NRG3: variants seen among roughly 807,000 people sequenced by gnomAD.
The protein encoded by NRG3 is neuregulin 3.
In NRG3, 31 loss-of-function variants were observed where a neutral mutation model predicts 66.9. That is an observed-to-expected ratio of 0.46 (90% CI 0.35 to 0.63). NRG3 has a LOEUF of 0.63. Ranked by LOEUF, NRG3 falls within the 20% of genes least tolerant of loss-of-function variation. The pLI, the probability that NRG3 is intolerant of heterozygous loss-of-function variation, is 0.00. For missense variants in NRG3, 910 were observed against 878.9 expected (o/e 1.04, Z -0.45); for synonymous variants, 393 against 359.4 (o/e 1.09, Z -1.06).
chr10:81,996,015 C>G (rs548366044), intron 1 of NRG3, among the ~76,000 whole-genome samples: 1 of 151,812 alleles, frequency 6.6e-6, no homozygotes, highest in African/African-American at 2.4e-5. Context: ...ATTTTTTTTT[C>G]TTTATAATGC....
chr10:82,930,825 T>C (rs1212141494), intron 4 of NRG3, among the ~76,000 whole-genome samples: 2 of 152,138 alleles, frequency 1.3e-5, no homozygotes, highest in African/African-American at 2.4e-5. Context: ...GAACCCCATC[T>C]ATGGGACTCG....
intron 1 of NRG3, among the ~76,000 whole-genome samples, chr10:82,068,609 C>T (rs2064626050): frequency 6.6e-6 from 1 of 152,062 alleles, no homozygotes; most frequent in South Asian, 2.1e-4. Flanking sequence ...TCAATGAAGG[C>T]TTGCTTAAGG....
intron 1 of NRG3, among the ~76,000 whole-genome samples, chr10:82,351,612 C>A (rs2083443802): frequency 6.6e-6 from 1 of 152,174 alleles, no homozygotes; most frequent in African/African-American, 2.4e-5. Flanking sequence ...TGGCCATGTT[C>A]TTTCCTTAGC....
chr10:82,722,406 CATT>C (rs1383344774), intron 2 of NRG3, among the ~76,000 whole-genome samples: 1 of 152,092 alleles, frequency 6.6e-6, no homozygotes, highest in Non-Finnish European at 1.5e-5. Flanking sequence ...GAAGATGAGA[CATT>C]ATAAATGGGT....
intron 4 of NRG3, among the ~76,000 whole-genome samples, chr10:82,926,890 A>T (rs1413218924): frequency 6.6e-6 from 1 of 152,172 alleles, no homozygotes; most frequent in Non-Finnish European, 1.5e-5. Context: ...ACATGTCTCA[A>T]CTGCACTGTG....
intron 1 of NRG3, among the ~76,000 whole-genome samples, chr10:82,239,353 G>A (rs537500332): frequency 1.1e-4 from 17 of 151,950 alleles, no homozygotes; most frequent in East Asian, 1.9e-4. Flanking sequence ...ATGGGGTTCC[G>A]CCATGTTGGC....
chr10:82,013,368 A>G (rs1175523524), intron 1 of NRG3, among the ~76,000 whole-genome samples: 2 of 152,166 alleles, frequency 1.3e-5, no homozygotes, highest in Non-Finnish European at 2.9e-5. Context: ...TTACAATTCA[A>G]AGTGAGATTT....
At chr10:82,182,818 A>G (rs1248641405) in intron 1 of NRG3, among the ~76,000 whole-genome samples, 3 of 152,002 alleles carry the variant, frequency 2.0e-5, no homozygotes, top group Non-Finnish European at 4.4e-5. Context: ...GGGCAGGTCT[A>G]GTGGAGTGGA....
At chr10:82,275,401 A>AT (rs2078794556) in intron 1 of NRG3, among the ~76,000 whole-genome samples, 1 of 151,976 alleles carries the variant, frequency 6.6e-6, no homozygotes, top group African/African-American at 2.4e-5. Flanking sequence ...TAGTTCTTTG[A>AT]TATTGGAATA....
intron 3 of NRG3, among the ~76,000 whole-genome samples, chr10:82,744,362 C>A (rs766902250): frequency 2.6e-5 from 4 of 152,146 alleles, no homozygotes; most frequent in Non-Finnish European, 5.9e-5. Context: ...AAGGTGCTGG[C>A]AGGTTCAGTG....
At chr10:82,436,293 G>A (rs1269205732) in intron 2 of NRG3, among the ~76,000 whole-genome samples, 1 of 152,132 alleles carries the variant, frequency 6.6e-6, no homozygotes, top group South Asian at 2.1e-4. Flanking sequence ...ATGACATAAT[G>A]CCCTTCTCTG....
intron 1 of NRG3, among the ~76,000 whole-genome samples, chr10:81,967,360 A>G (rs1230110026): frequency 1.3e-5 from 2 of 151,386 alleles, no homozygotes; most frequent in Admixed American, 6.6e-5. Context: ...ATTGTTTATG[A>G]ATGTTGAATT....
chr10:82,547,612 C>T (rs140929342), intron 2 of NRG3, among the ~76,000 whole-genome samples: 3,920 of 150,952 alleles, frequency 0.026, 80 homozygotes, highest in African/African-American at 0.06. Flanking sequence ...TATATATGTA[C>T]ATATACATAT....
chr10:81,988,802 C>T (rs1013103733), intron 1 of NRG3, among the ~76,000 whole-genome samples: 6 of 151,696 alleles, frequency 4.0e-5, no homozygotes, highest in Non-Finnish European at 7.4e-5. Flanking sequence ...GTCTTAGCAG[C>T]CCACATTAAG....
chr10:82,458,036 G>A (rs934384794), intron 2 of NRG3, among the ~76,000 whole-genome samples: 1 of 152,186 alleles, frequency 6.6e-6, no homozygotes, highest in Admixed American at 6.5e-5. Flanking sequence ...GGTGGGTGGG[G>A]TGTGCTGGAA....
chr10:82,708,121 G>C (rs561340011), intron 2 of NRG3, among the ~76,000 whole-genome samples: 1 of 151,868 alleles, frequency 6.6e-6, no homozygotes, highest in African/African-American at 2.4e-5. Flanking sequence ...TTAATCTTAC[G>C]AATACTCTGC....
intron 1 of NRG3, among the ~76,000 whole-genome samples, chr10:81,995,635 T>G (rs2060909935): frequency 6.6e-6 from 1 of 152,226 alleles, no homozygotes; most frequent in African/African-American, 2.4e-5. Flanking sequence ...GGCCTTTGCC[T>G]TACAGTTTAA....
At chr10:82,381,895 C>T (rs946825532) in intron 2 of NRG3, among the ~76,000 whole-genome samples, 10 of 152,066 alleles carry the variant, frequency 6.6e-5, no homozygotes, top group South Asian at 4.1e-4. Flanking sequence ...TTGCTTATCA[C>T]GTGAGTTTTT....
intron 2 of NRG3, among the ~76,000 whole-genome samples, chr10:82,671,698 T>A (rs148641757): frequency 6.6e-6 from 1 of 152,222 alleles, no homozygotes; most frequent in Non-Finnish European, 1.5e-5. Context: ...TCATAGGTGG[T>A]AAATACCTGA....
Sources: allele counts gnomAD v4.1 joint callset (sites outside exome capture counted in the v4.1 genomes callset), GRCh38; gene constraint gnomAD v4.1.1; transcripts MANE v1.5; gene names NCBI Gene and HGNC (gene_info 2026-07-23, HGNC 2026-07-21).